Variants in YBEY observed in about 807,000 individuals in gnomAD.
YBEY encodes ybeY metalloendoribonuclease, also known as endoribonuclease YbeY.
YBEY carries 15 observed loss-of-function variants against 13.5 expected under a neutral mutation model. That is an observed-to-expected ratio of 1.11 (90% CI 0.75 to 1.72). The LOEUF (loss-of-function observed/expected upper bound fraction) is 1.72, where lower values mean the gene tolerates loss of function less well. Among genes scored for constraint, YBEY ranks in the 40% most tolerant of loss-of-function variants. The pLI is 0.00. For synonymous variants in YBEY, 101 were observed against 83.1 expected (o/e 1.21, Z -1.17); for missense variants, 244 against 208.4 (o/e 1.17, Z -1.05).
the YBEY span, among the ~76,000 whole-genome samples, chr21:46,303,729 ATATATATATATATATATT>A: frequency 5.5e-4 from 15 of 27,182 alleles, no homozygotes; most frequent in African/African-American, 2.1e-3. Context: ...ATATATATAT[ATATATATATATATATATT>A]TTTTTTTTTT....
chr21:46,308,316 C>T, the YBEY span, among the ~76,000 whole-genome samples: 2 of 151,966 alleles, frequency 1.3e-5, no homozygotes, highest in Non-Finnish European at 2.9e-5. Flanking sequence ...CAAAAATCAG[C>T]CGGGCGTGGT....
At chr21:46,291,963 C>G (rs1036466542) in intron 3 of YBEY, 3 of 539,990 alleles carry the variant, frequency 5.6e-6, no homozygotes, top group African/African-American at 2.1e-5. Flanking sequence ...TTATTCAACT[C>G]AATCTCCCAG....
downstream of YBEY, chr21:46,300,852 A>C: frequency 1.7e-6 from 2 of 1,168,452 alleles, no homozygotes; most frequent in Non-Finnish European, 2.2e-6. Flanking sequence ...AAACAACATT[A>C]AAAGAGCAAA....
At chr21:46,302,170 C>A, downstream of YBEY, 1 of 1,465,404 alleles carries the variant, frequency 6.8e-7, no homozygotes. Flanking sequence ...ACAGACGCAC[C>A]TGCTGCTTAG....
At chr21:46,303,733 ATATATATATATATTTTTTTTTT>A in the YBEY span, among the ~76,000 whole-genome samples, 16 of 32,230 alleles carry the variant, frequency 5.0e-4, no homozygotes, top group East Asian at 1.2e-3. Context: ...ATATATATAT[ATATATATATATATTTTTTTTTT>A]TTTTTTTTTT....
At chr21:46,301,864 AGT>A, downstream of YBEY, 1 of 1,288,776 alleles carries the variant, frequency 7.8e-7, no homozygotes, top group Non-Finnish European at 9.8e-7. Context: ...AGGAGCCTGC[AGT>A]CCACACTCGC....
chr21:46,313,094 A>G, the YBEY span: 4 of 978,758 alleles, frequency 4.1e-6, no homozygotes, highest in Non-Finnish European at 4.9e-6. Context: ...GCCAAGAGCT[A>G]CATCGTAAAC....
the YBEY span, among the ~76,000 whole-genome samples, chr21:46,302,930 G>A: frequency 7.5e-6 from 1 of 133,808 alleles, no homozygotes; most frequent in Non-Finnish European, 1.6e-5. Flanking sequence ...CACACGGTGC[G>A]GGTCCCCGGG....
the YBEY span, chr21:46,311,596 G>A: frequency 3.6e-6 from 5 of 1,395,324 alleles, no homozygotes; most frequent in East Asian, 4.7e-5. Flanking sequence ...TTAGCTATCT[G>A]CATATGTCCT....
chr21:46,297,340 G>T (rs1569105683), intron 4 of YBEY, among the ~76,000 whole-genome samples, 199 bp from the exon 5 acceptor site: 1 of 149,966 alleles, frequency 6.7e-6, no homozygotes, highest in Non-Finnish European at 1.5e-5. Context: ...CTCCCGGCCT[G>T]TGGCGGTTCG....
chr21:46,302,726 G>C, downstream of YBEY: 1 of 636,688 alleles, frequency 1.6e-6, no homozygotes, highest in Non-Finnish European at 2.8e-6. Context: ...ACACGGTGCG[G>C]GTCCCCGGGG....
At chr21:46,308,421 A>C in the YBEY span, among the ~76,000 whole-genome samples, 1 of 152,020 alleles carries the variant, frequency 6.6e-6, no homozygotes, top group Admixed American at 6.6e-5. Context: ...GGATCACGAC[A>C]CTGCACTCCA....
chr21:46,308,568 C>T, the YBEY span, among the ~76,000 whole-genome samples: 2 of 152,186 alleles, frequency 1.3e-5, no homozygotes, highest in Non-Finnish European at 2.9e-5. Context: ...GGAATGTCCA[C>T]GACAGCTTTG....
chr21:46,311,423 C>A, the YBEY span: 1 of 1,307,084 alleles, frequency 7.7e-7, no homozygotes, highest in South Asian at 1.5e-5. Flanking sequence ...ATAATTTCCT[C>A]AACCCACAAC....
At chr21:46,302,576 T>A, downstream of YBEY, 1 of 1,610,320 alleles carries the variant, frequency 6.2e-7, no homozygotes, top group East Asian at 2.2e-5. Context: ...CTCCACCATG[T>A]CTGCAGGGAA....
rs2081946582 is a variant in YBEY at position 46,296,218 on chromosome 21, A to ACG, written c.396_397insCG (p.Glu133ArgfsTer28). On this transcript the variant is annotated frameshift_variant, in exon 4 of 5. Transcript: ENST00000397701. LOFTEE classifies it low-confidence loss of function (END_TRUNC). ...TGGGATTCACACACGGCACGGAGGC[A>ACG]GAGTGGCAGCAGGTAAGGAGCCCAT... 1 of 1,613,596 alleles carries ACG rather than the reference A, an allele frequency of 6.2e-7. No homozygotes were observed. Among genetic ancestry groups the ACG allele is most frequent in the East Asian group, 2.2e-5 (1 of 44,874 alleles).
chr21:46,301,722 A>C, downstream of YBEY: 1 of 1,195,646 alleles, frequency 8.4e-7, no homozygotes, highest in Non-Finnish European at 1.0e-6. Context: ...CCCTACAGGA[A>C]AGGAGGGGTC....
rs2081713341 is a variant in YBEY, at chr21:46,291,559, G to A, written c.339+97G>A. 13 of 1,554,700 alleles carry A rather than the reference G, an allele frequency of 8.4e-6. No homozygotes were observed. In the South Asian group the frequency reaches 9.8e-5, roughly 12 times the overall value. On this transcript the variant is annotated intron_variant, in intron 3 of 4. Transcript: ENST00000397701. The stretch of plus-strand genomic sequence containing the variant: ...ACCCTGCATCCATGTGTGTCCGTGG[G>A]TACCGTAAGGGCTACTGGGGGAAGA...
At chr21:46,286,668 C>T (rs17176102) in intron 1 of YBEY, 3 of 364,492 alleles carry the variant, frequency 8.2e-6, no homozygotes, top group Admixed American at 4.8e-5. Flanking sequence ...CCGCTCCGCC[C>T]GCCTGGAGTC....
Sources: allele counts gnomAD v4.1 joint callset (sites outside exome capture counted in the v4.1 genomes callset), GRCh38; gene constraint gnomAD v4.1.1; transcripts MANE v1.5; gene names NCBI Gene and HGNC (gene_info 2026-07-23, HGNC 2026-07-21).